The following EPHA3 variants were observed in gnomAD, a reference collection of about 807,000 sequenced individuals.
EPHA3 encodes the protein ephrin type-A receptor 3.
In EPHA3, 42 loss-of-function variants were observed where a neutral mutation model predicts 107.1. The ratio of observed to expected loss-of-function variants is 0.39; its 90% CI spans 0.31 to 0.51. The LOEUF is 0.51. Ranked by LOEUF, EPHA3 falls within the 20% of genes least tolerant of loss-of-function variation. The probability of loss-of-function intolerance (pLI) is 0.78; values close to 1 mark genes in which losing one functional copy is unlikely to be tolerated. For missense variants in EPHA3, 1,183 were observed against 1,211.2 expected (o/e 0.98, Z 0.35); for synonymous variants, 461 against 424.8 (o/e 1.09, Z -1.05).
intron 2 of EPHA3, among the ~76,000 whole-genome samples, chr3:89,185,650 T>G (rs1705547319): frequency 6.6e-6 from 1 of 152,080 alleles, no homozygotes; most frequent in Non-Finnish European, 1.5e-5. Context: ...GTTTTGTTCC[T>G]TCAGTTCTAC....
intron 13 of EPHA3, among the ~76,000 whole-genome samples, chr3:89,444,496 A>C (rs1468857814): frequency 6.6e-6 from 1 of 152,036 alleles, no homozygotes; most frequent in Non-Finnish European, 1.5e-5. Flanking sequence ...ATTTTTAAAA[A>C]TTTCTTTTTA....
intron 2 of EPHA3, among the ~76,000 whole-genome samples, chr3:89,142,882 G>A (rs1471313777): frequency 1.3e-5 from 2 of 151,138 alleles, no homozygotes; most frequent in African/African-American, 4.8e-5. Context: ...GCATGGATCC[G>A]GCACAATGCT....
At chr3:89,165,186 ATTTCT>A (rs1705035723) in intron 2 of EPHA3, among the ~76,000 whole-genome samples, 1 of 152,180 alleles carries the variant, frequency 6.6e-6, no homozygotes, top group Non-Finnish European at 1.5e-5. Context: ...ATTCAACCTC[ATTTCT>A]TTTGTAGCTA....
chr3:89,228,722 C>A (rs1175369304), intron 3 of EPHA3, among the ~76,000 whole-genome samples: 1 of 151,466 alleles, frequency 6.6e-6, no homozygotes, highest in African/African-American at 2.4e-5. Context: ...GATGAGTAAC[C>A]CATAAACATA....
At chr3:89,219,755 CTGGAG>C (rs1283473203) in intron 3 of EPHA3, among the ~76,000 whole-genome samples, 1 of 101,068 alleles carries the variant, frequency 9.9e-6, no homozygotes, top group Admixed American at 1.4e-4. Context: ...GTCGCCCAGG[CTGGAG>C]TGCAGTGGCG....
intron 2 of EPHA3, among the ~76,000 whole-genome samples, chr3:89,159,919 TCCTTCCTTCCTTCCTC>T (rs1314678068): frequency 2.0e-5 from 3 of 151,980 alleles, no homozygotes; most frequent in African/African-American, 7.3e-5. Context: ...CTTCTTTGCT[TCCTTCCTTCCTTCCTC>T]CCTTCCTTCC....
chr3:89,148,987 A>G (rs1251133864), intron 2 of EPHA3, among the ~76,000 whole-genome samples: 8 of 152,070 alleles, frequency 5.3e-5, no homozygotes, highest in African/African-American at 1.9e-4. Context: ...ATACCGAGTC[A>G]GAGAAAGCTA....
At chr3:89,360,398 A>G (rs1332495673) in intron 5 of EPHA3, among the ~76,000 whole-genome samples, 3 of 151,028 alleles carry the variant, frequency 2.0e-5, no homozygotes, top group Admixed American at 6.6e-5. Flanking sequence ...GCTGATTCCT[A>G]TCAACACTAC....
intron 4 of EPHA3, 61 bp from the exon 5 acceptor site, chr3:89,341,694 A>G: frequency 1.5e-6 from 2 of 1,312,502 alleles, no homozygotes; most frequent in Non-Finnish European, 2.1e-6. Flanking sequence ...TAAATTATCT[A>G]TTTCCCTTGT....
Position 89,480,576 on chromosome 3 carries a change from T to C in EPHA3, c.*1074T>C, listed in dbSNP as rs1168977713. The C allele has an allele frequency of 4.3e-6, 1 of 232,508 alleles. No homozygotes were observed. Among genetic ancestry groups the C allele is most frequent in the Non-Finnish European group, 8.5e-6 (1 of 117,532 alleles). The allele number at this position is 232,508 out of a possible 1,614,324, so 14.4% of individuals were successfully genotyped here. On this transcript the variant is annotated 3_prime_UTR_variant, in exon 17 of 17. Coordinates refer to ENST00000336596, the MANE Select transcript of EPHA3 (RefSeq NM_005233.6). Reference sequence around the variant, plus strand: ...GAGAGAAGTGGAATCCTATATAGAATGCTGCACTAATTGACAACACAGCCT... The same window carrying C: ...GAGAGAAGTGGAATCCTATATAGAACGCTGCACTAATTGACAACACAGCCT...
At chr3:89,293,933 G>A (rs1401238292) in intron 3 of EPHA3, among the ~76,000 whole-genome samples, 3 of 152,068 alleles carry the variant, frequency 2.0e-5, no homozygotes, top group Non-Finnish European at 2.9e-5. Context: ...AAATGAATGA[G>A]TATGGCTATG....
intron 3 of EPHA3, among the ~76,000 whole-genome samples, chr3:89,280,511 T>C (rs1283479040): frequency 6.6e-6 from 1 of 152,198 alleles, no homozygotes; most frequent in East Asian, 1.9e-4. Context: ...CTATTCTCAT[T>C]GATTAGTGCT....
intron 15 of EPHA3, among the ~76,000 whole-genome samples, chr3:89,459,606 T>G (rs541768901): frequency 6.6e-6 from 1 of 152,166 alleles, no homozygotes; most frequent in South Asian, 2.1e-4. Context: ...GGTGCCATCC[T>G]CCGCCTCCTG....
At chr3:89,476,617 A>ATTTATTTATTTATTTT (rs1553697737) in intron 16 of EPHA3, among the ~76,000 whole-genome samples, 3,068 of 145,462 alleles carry the variant, frequency 0.021, 38 homozygotes, top group Middle Eastern at 0.025. Flanking sequence ...TTATTTATTT[A>ATTTATTTATTTATTTT]ATTTTTTTGA....
At chr3:89,213,376 T>C (rs1704152448) in intron 3 of EPHA3, among the ~76,000 whole-genome samples, 1 of 152,024 alleles carries the variant, frequency 6.6e-6, no homozygotes, top group South Asian at 2.1e-4. Flanking sequence ...ATACCAACTA[T>C]CCATTCTTAG....
At chr3:89,410,942 A>G (rs1295232109) in intron 9 of EPHA3, among the ~76,000 whole-genome samples, 1 of 151,932 alleles carries the variant, frequency 6.6e-6, no homozygotes, top group Non-Finnish European at 1.5e-5. Context: ...ATTTATAGGA[A>G]GGATTCATGC....
chr3:89,195,158 C>T lies in EPHA3; in HGVS notation c.154-14702C>T, dbSNP rs138208509. ...ATCCATTTCAACTTTTGAAAACATT[C>T]TTTTTCTGTGTTTCATGTTGACATT... On this transcript the variant is annotated intron_variant, in intron 2 of 16. Coordinates refer to ENST00000336596, the MANE Select transcript of EPHA3 (RefSeq NM_005233.6). 3.3e-5 allele frequency among the ~76,000 whole-genome samples: 5 copies of T among 151,706 alleles called. No homozygotes were observed. The East Asian group carries it at 9.7e-4, about 29-fold the overall frequency.
chr3:89,402,401 T>A (rs1033030435), intron 7 of EPHA3, among the ~76,000 whole-genome samples: 1 of 152,164 alleles, frequency 6.6e-6, no homozygotes, highest in African/African-American at 2.4e-5. Flanking sequence ...CATTTTAATC[T>A]TTTTACAAAA....
At chr3:89,168,065 C>T (rs1406835717) in intron 2 of EPHA3, among the ~76,000 whole-genome samples, 1 of 152,038 alleles carries the variant, frequency 6.6e-6, no homozygotes, top group African/African-American at 2.4e-5. Context: ...AAAAAGACAA[C>T]CTTGAAATAA....
Sources: gnomAD v4.1 joint callset for allele counts (sites outside exome capture counted in the v4.1 genomes callset) on GRCh38, gnomAD v4.1.1 for gene constraint, MANE v1.5 for transcripts, NCBI Gene and HGNC (gene_info 2026-07-23, HGNC 2026-07-21) for gene names.